The following OPCML variants were observed in gnomAD, a reference collection of about 807,000 sequenced individuals.
The protein encoded by OPCML is opioid-binding protein/cell adhesion molecule.
A neutral mutation model predicts 37.8 loss-of-function variants in OPCML; 13 were observed. The ratio of observed to expected loss-of-function variants is 0.34; its 90% CI spans 0.22 to 0.55. The LOEUF (loss-of-function observed/expected upper bound fraction) is 0.55. Among genes scored for constraint, OPCML ranks in the 20% least tolerant of loss-of-function variants. The probability of loss-of-function intolerance (pLI) is 0.91; values close to 1 mark genes in which losing one functional copy is unlikely to be tolerated. For synonymous variants in OPCML, 176 were observed against 168.8 expected, an observed-to-expected ratio of 1.04 and a Z score of -0.33; for missense variants, 341 against 435.6, an observed-to-expected ratio of 0.78 and a Z score of 1.93.
chr11:132,435,190 G>A, intron 7 of OPCML: 2 of 1,289,190 alleles, frequency 1.6e-6, no homozygotes, highest in Non-Finnish European at 2.0e-6. Flanking sequence ...TTATTTCTAA[G>A]ACACACACAG....
At chr11:132,878,199 A>G (rs997054301) in intron 2 of OPCML, among the ~76,000 whole-genome samples, 1 of 151,696 alleles carries the variant, frequency 6.6e-6, no homozygotes. Flanking sequence ...AAAAAATTAT[A>G]TTGGCTGGCG....
At chr11:133,323,710 G>T (rs974799889) in intron 1 of OPCML, among the ~76,000 whole-genome samples, 3 of 152,178 alleles carry the variant, frequency 2.0e-5, no homozygotes, top group African/African-American at 7.2e-5. Flanking sequence ...AGTATTGTAG[G>T]CTTGAGATGC....
chr11:132,863,313 G>A (rs1196957540), intron 2 of OPCML, among the ~76,000 whole-genome samples: 2 of 152,164 alleles, frequency 1.3e-5, no homozygotes, highest in African/African-American at 4.8e-5. Flanking sequence ...TTTGACGTAG[G>A]AGGACATGAC....
intron 2 of OPCML, among the ~76,000 whole-genome samples, chr11:132,861,855 AAC>A (rs1942320105): frequency 1.3e-5 from 2 of 151,946 alleles, no homozygotes; most frequent in African/African-American, 2.4e-5. Context: ...AAAAAAAAAA[AAC>A]AAAAACTGTT....
intron 3 of OPCML, among the ~76,000 whole-genome samples, chr11:132,555,232 G>A (rs990030492): frequency 6.6e-6 from 1 of 152,082 alleles, no homozygotes; most frequent in African/African-American, 2.4e-5. Flanking sequence ...TCAAGACTGG[G>A]TGATTTATAA....
intron 7 of OPCML, among the ~76,000 whole-genome samples, chr11:132,426,807 C>T (rs116733689): frequency 0.011 from 1,629 of 152,260 alleles, 25 homozygotes; most frequent in African/African-American, 0.035. Flanking sequence ...CACATAAGAA[C>T]GGGGAATTTC....
At chr11:132,699,967 A>T (rs1200922010) in intron 2 of OPCML, among the ~76,000 whole-genome samples, 1 of 151,354 alleles carries the variant, frequency 6.6e-6, no homozygotes, top group Non-Finnish European at 1.5e-5. Context: ...AAGCCATCAG[A>T]TCTTGGGCTT....
At chr11:132,673,547 G>C (rs1942569045) in intron 2 of OPCML, among the ~76,000 whole-genome samples, 1 of 152,078 alleles carries the variant, frequency 6.6e-6, no homozygotes, top group African/African-American at 2.4e-5. Context: ...AGGTTGATTA[G>C]CTGTATTTAT....
At chr11:132,888,133 G>A (rs1943494879) in intron 2 of OPCML, among the ~76,000 whole-genome samples, 2 of 152,160 alleles carry the variant, frequency 1.3e-5, no homozygotes, top group African/African-American at 4.8e-5. Flanking sequence ...GAAAAGCAGG[G>A]TGTAGGAGCT....
At chr11:132,885,494 C>T (rs2063072) in intron 2 of OPCML, among the ~76,000 whole-genome samples, 40,977 of 152,052 alleles carry the variant, frequency 0.27, 6,599 homozygotes, top group Non-Finnish European at 0.36. Context: ...CAATTAATTC[C>T]CCAATAATAT....
At chr11:133,330,152 C>G (rs1437734462) in intron 1 of OPCML, among the ~76,000 whole-genome samples, 10 of 152,154 alleles carry the variant, frequency 6.6e-5, no homozygotes, top group South Asian at 2.1e-4. Context: ...TCTCACACCA[C>G]TTAGAATGGT....
At chr11:133,277,359 A>G (rs7129421) in intron 1 of OPCML, among the ~76,000 whole-genome samples, 3,778 of 152,294 alleles carry the variant, frequency 0.025, 145 homozygotes, top group African/African-American at 0.084. Flanking sequence ...CAAACATTTT[A>G]TAGAAAATAA....
intron 3 of OPCML, among the ~76,000 whole-genome samples, chr11:132,645,893 A>T (rs1941124193): frequency 6.6e-6 from 1 of 152,264 alleles, no homozygotes; most frequent in Non-Finnish European, 1.5e-5. Context: ...CATCGCGGAA[A>T]GGTCTATTGG....
chr11:132,907,317 G>A (rs887857083), intron 2 of OPCML, among the ~76,000 whole-genome samples: 2 of 152,038 alleles, frequency 1.3e-5, no homozygotes, highest in African/African-American at 4.8e-5. Flanking sequence ...ACCTTTTCCA[G>A]GAATGCTTTT....
chr11:132,722,983 T>C (rs1009666537), intron 2 of OPCML, among the ~76,000 whole-genome samples: 5 of 152,118 alleles, frequency 3.3e-5, no homozygotes, highest in African/African-American at 1.2e-4. Context: ...AACAGACCAG[T>C]CTGACCCCAG....
intron 7 of OPCML, 32 bp downstream of exon 7, chr11:132,436,054 G>A: frequency 1.9e-6 from 3 of 1,601,592 alleles, no homozygotes; most frequent in Non-Finnish European, 2.6e-6. Flanking sequence ...CCATGTGGCT[G>A]AGCCCACTGC....
intron 2 of OPCML, among the ~76,000 whole-genome samples, chr11:132,657,822 G>A (rs1182684953): frequency 6.6e-6 from 1 of 152,184 alleles, no homozygotes; most frequent in Non-Finnish European, 1.5e-5. Flanking sequence ...GCAGCCGAAA[G>A]CCTGCAAACT....
At chr11:132,996,756 G>A (rs533051064) in intron 1 of OPCML, among the ~76,000 whole-genome samples, 4 of 152,090 alleles carry the variant, frequency 2.6e-5, no homozygotes, top group Admixed American at 6.5e-5. Flanking sequence ...CAGCTCCATG[G>A]AGAGTCCCTG....
intron 3 of OPCML, among the ~76,000 whole-genome samples, chr11:132,594,591 C>G (rs960022667): frequency 6.6e-6 from 1 of 151,952 alleles, no homozygotes; most frequent in Non-Finnish European, 1.5e-5. Context: ...ATTATGAATA[C>G]CATATTCATT....
Sources: gnomAD v4.1 joint callset for allele counts (sites outside exome capture counted in the v4.1 genomes callset) on GRCh38, gnomAD v4.1.1 for gene constraint, MANE v1.5 for transcripts, NCBI Gene and HGNC (gene_info 2026-07-23, HGNC 2026-07-21) for gene names.